Variants in WWOX observed in about 807,000 individuals in gnomAD.
WWOX encodes WW domain-containing oxidoreductase.
WWOX carries 69 observed loss-of-function variants against 46.2 expected under a neutral mutation model. The ratio of observed to expected loss-of-function variants is 1.49; its 90% CI spans 1.23 to 1.82. The LOEUF is 1.82. Among genes scored for constraint, WWOX ranks in the 40% most tolerant of loss-of-function variants. The pLI is 0.00. For missense variants in WWOX, 919 were observed against 542.6 expected (o/e 1.69, Z -6.89); for synonymous variants, 359 against 202.6 (o/e 1.77, Z -6.56).
intron 8 of WWOX, among the ~76,000 whole-genome samples, chr16:79,059,976 G>A (rs10492902): frequency 6.6e-6 from 1 of 151,994 alleles, no homozygotes; most frequent in African/African-American, 2.4e-5. Flanking sequence ...TTTGTCCTTG[G>A]CAATTCCTTA....
At chr16:78,815,675 A>C (rs2142725655) in intron 8 of WWOX, among the ~76,000 whole-genome samples, 1 of 152,260 alleles carries the variant, frequency 6.6e-6, no homozygotes, top group South Asian at 2.1e-4. Context: ...CTGGGTTTTA[A>C]TCCTTCCTTC....
chr16:79,148,450 T>C (rs1413120966), intron 8 of WWOX, among the ~76,000 whole-genome samples: 2 of 152,228 alleles, frequency 1.3e-5, no homozygotes, highest in Non-Finnish European at 2.9e-5. Context: ...AATTATACGC[T>C]GTCTTCATTA....
At chr16:78,355,578 C>T (rs35270593) in intron 5 of WWOX, 53,737 of 484,760 alleles carry the variant, frequency 0.11, 4,123 homozygotes, top group African/African-American at 0.29. Context: ...GTGGAGGATC[C>T]CCTGGATCTT....
At chr16:78,384,697 C>T (rs57018269) in intron 5 of WWOX, among the ~76,000 whole-genome samples, 168 of 152,314 alleles carry the variant, frequency 1.1e-3, no homozygotes, top group African/African-American at 2.0e-3. Flanking sequence ...TTCTCCTCCT[C>T]GTTCCAAAAT....
At chr16:78,966,282 T>C (rs1184729443) in intron 8 of WWOX, among the ~76,000 whole-genome samples, 2 of 152,184 alleles carry the variant, frequency 1.3e-5, no homozygotes, top group African/African-American at 4.8e-5. Flanking sequence ...CAGAAACAAA[T>C]CATTTCCTGA....
chr16:78,623,638 C>T (rs2046240967), intron 8 of WWOX, among the ~76,000 whole-genome samples: 1 of 151,332 alleles, frequency 6.6e-6, no homozygotes, highest in African/African-American at 2.4e-5. Flanking sequence ...GCGGTGGCAG[C>T]TGGGACATTA....
At chr16:78,510,292 G>A (rs774683672) in intron 8 of WWOX, among the ~76,000 whole-genome samples, 7 of 152,026 alleles carry the variant, frequency 4.6e-5, no homozygotes, top group Admixed American at 6.6e-5. Flanking sequence ...CGCAAGCTCC[G>A]CCTCCTGAGT....
chr16:78,160,273 C>A (rs1195605283), intron 4 of WWOX, among the ~76,000 whole-genome samples: 1 of 152,048 alleles, frequency 6.6e-6, no homozygotes, highest in Non-Finnish European at 1.5e-5. Context: ...GCTGGGACCA[C>A]AGGTGTGCAC....
At chr16:78,879,196 G>A (rs1386229267) in intron 8 of WWOX, among the ~76,000 whole-genome samples, 1 of 152,154 alleles carries the variant, frequency 6.6e-6, no homozygotes, top group African/African-American at 2.4e-5. Context: ...CACGGTCATA[G>A]ACCTCAGTTG....
intron 8 of WWOX, among the ~76,000 whole-genome samples, chr16:79,144,180 A>G (rs754384526): frequency 1.9e-4 from 29 of 152,190 alleles, no homozygotes; most frequent in Non-Finnish European, 3.2e-4. Flanking sequence ...GATTACAGGC[A>G]TGAGCCACTG....
chr16:78,767,021 G>T (rs1056686312), intron 8 of WWOX, among the ~76,000 whole-genome samples: 2 of 151,898 alleles, frequency 1.3e-5, no homozygotes, highest in African/African-American at 4.8e-5. Context: ...AATCCATATT[G>T]TAGCATATAT....
At chr16:78,813,433 C>G (rs896621960) in intron 8 of WWOX, among the ~76,000 whole-genome samples, 11 of 152,218 alleles carry the variant, frequency 7.2e-5, no homozygotes, top group Middle Eastern at 3.4e-3. Flanking sequence ...GATACTTGAG[C>G]TGAGTTTTGC....
At chr16:78,960,675 A>C (rs1432185434) in intron 8 of WWOX, among the ~76,000 whole-genome samples, 1 of 152,186 alleles carries the variant, frequency 6.6e-6, no homozygotes, top group South Asian at 2.1e-4. Flanking sequence ...CATCAGGGAC[A>C]ATAGGTCCCT....
intron 8 of WWOX, among the ~76,000 whole-genome samples, chr16:79,193,542 C>T (rs548583974): frequency 4.7e-4 from 72 of 152,276 alleles, no homozygotes; most frequent in African/African-American, 1.7e-3. Flanking sequence ...GTGCTGCTTA[C>T]CCAGCAGATG....
chr16:78,359,222 C>T lies in WWOX; in HGVS notation c.517-27638C>T, dbSNP rs1014151626. Among the ~76,000 whole-genome samples, 75 of 152,130 alleles carry T rather than the reference C, an allele frequency of 4.9e-4. 1 individual carries two copies. Among genetic ancestry groups the T allele is most frequent in the Non-Finnish European group, 1.8e-4 (12 of 68,016 alleles). On this transcript the variant is annotated intron_variant, in intron 5 of 8. Transcript: ENST00000566780. The stretch of plus-strand genomic sequence containing the variant: ...TTACTTGCTAGGTGAGCTGGTATCT[C>T]CTCTGATAACACAAAGAAGGCCTGG...
chr16:78,423,728 C>G (rs892845452), intron 6 of WWOX, among the ~76,000 whole-genome samples: 5 of 151,814 alleles, frequency 3.3e-5, no homozygotes, highest in African/African-American at 1.2e-4. Context: ...CCCCTGTAGT[C>G]CCAGTTACTC....
At chr16:78,747,667 C>T (rs1176183839) in intron 8 of WWOX, among the ~76,000 whole-genome samples, 1 of 152,108 alleles carries the variant, frequency 6.6e-6, no homozygotes, top group African/African-American at 2.4e-5. Context: ...GAGCACTTAC[C>T]ACTTTCTGAA....
intron 8 of WWOX, among the ~76,000 whole-genome samples, chr16:79,139,299 C>G (rs2050042765): frequency 1.3e-5 from 2 of 152,196 alleles, no homozygotes; most frequent in East Asian, 1.9e-4. Context: ...GATTTACAGT[C>G]AAATTCCAGC....
At chr16:78,443,611 C>G (rs534307171) in intron 8 of WWOX, among the ~76,000 whole-genome samples, 2 of 152,166 alleles carry the variant, frequency 1.3e-5, no homozygotes, top group South Asian at 2.1e-4. Flanking sequence ...AATGAGCACC[C>G]GAGAAGGGGA....
Sources: allele counts gnomAD v4.1 joint callset (sites outside exome capture counted in the v4.1 genomes callset), GRCh38; gene constraint gnomAD v4.1.1; transcripts MANE v1.5; gene names NCBI Gene and HGNC (gene_info 2026-07-23, HGNC 2026-07-21).